PLA2G4A: variants seen among roughly 807,000 people sequenced by gnomAD.
PLA2G4A encodes phospholipase A2 group IVA.
In PLA2G4A, 40 loss-of-function variants were observed where a neutral mutation model predicts 81.9. The observed-to-expected ratio is 0.49, with a 90% CI of 0.38 to 0.64. PLA2G4A has a LOEUF of 0.64. Among genes scored for constraint, PLA2G4A ranks in the 30% least tolerant of loss-of-function variants. The pLI is 0.00. For synonymous variants in PLA2G4A, 302 were observed against 296.9 expected, an observed-to-expected ratio of 1.02 and a Z score of -0.18; for missense variants, 715 against 905.1, an observed-to-expected ratio of 0.79 and a Z score of 2.69.
At position 186,973,516 on chromosome 1, in the gene PLA2G4A, T is replaced by G. The variant is rs538904927; in HGVS notation, c.1765-4077T>G. On this transcript the variant is annotated intron_variant, in intron 15 of 17. Coordinates refer to ENST00000367466, the MANE Select transcript of PLA2G4A (RefSeq NM_024420.3). ...GCCGAGGGATTAGGAAATGGTATTT[T>G]ATATGGAGCCACCATTCAACCCACT... 5.3e-5 allele frequency among the ~76,000 whole-genome samples: 8 copies of G among 152,326 alleles called. No homozygotes were observed. The South Asian group carries it at 1.7e-3, about 32-fold the overall frequency.
At chr1:186,985,367 AT>A (rs1327514329) in intron 17 of PLA2G4A, among the ~76,000 whole-genome samples, 4 of 152,198 alleles carry the variant, frequency 2.6e-5, no homozygotes, top group African/African-American at 9.6e-5. Context: ...ATAAAAAAAA[AT>A]GCAAGCCTGA....
At chr1:186,953,618 T>C (rs1656643370) in intron 13 of PLA2G4A, among the ~76,000 whole-genome samples, 1 of 152,186 alleles carries the variant, frequency 6.6e-6, no homozygotes, top group Admixed American at 6.5e-5. Flanking sequence ...CCTGGAACCA[T>C]TTACCTTCTC....
In PLA2G4A at chr1:186,956,094, T is replaced by G; in HGVS notation, c.1337-8T>G. On this transcript the variant is annotated splice_region_variant and splice_polypyrimidine_tract_variant and intron_variant, in intron 13 of 17. Coordinates refer to ENST00000367466, the MANE Select transcript of PLA2G4A (RefSeq NM_024420.3). ...GAGTCTGTATGGTGACCTTTTATTT[T>G]TCCCTAGGCACTGAAAATGAAGATG... 1.2e-6 allele frequency: 2 copies of G among 1,612,756 alleles called. No homozygotes were observed. Among genetic ancestry groups the G allele is most frequent in the Admixed American group, 1.7e-5 (1 of 60,014 alleles).
chr1:186,979,949 T>C lies in PLA2G4A; in HGVS notation c.2118+477T>C, dbSNP rs1262464509. 2.2e-5 allele frequency among the ~76,000 whole-genome samples: 3 copies of C among 139,158 alleles called. No homozygotes were observed. The South Asian group carries it at 7.4e-4, about 34-fold the overall frequency. 91.3% of individuals were successfully genotyped at this position (139,158 alleles called of 152,430 possible). ...CAAAACGTAACAGCATTTCCTTTTTTTTTTTTTTTTTTTTTTGAGATGGAG... is the reference window on the plus strand; with the variant it reads ...CAAAACGTAACAGCATTTCCTTTTTCTTTTTTTTTTTTTTTTGAGATGGAG... On this transcript the variant is annotated intron_variant, in intron 17 of 17. Coordinates refer to ENST00000367466, the MANE Select transcript of PLA2G4A (RefSeq NM_024420.3).
At chr1:186,908,249 A>G (rs1401239833) in intron 6 of PLA2G4A, among the ~76,000 whole-genome samples, 1 of 152,056 alleles carries the variant, frequency 6.6e-6, no homozygotes, top group Non-Finnish European at 1.5e-5. Context: ...ATTACTCAGA[A>G]TTTTTTGAAT....
At chr1:186,940,517 G>T (rs1157848345) in intron 10 of PLA2G4A, among the ~76,000 whole-genome samples, 1 of 152,112 alleles carries the variant, frequency 6.6e-6, no homozygotes, top group Non-Finnish European at 1.5e-5. Context: ...CCCCCCTGTG[G>T]ATACCAAATT....
chr1:186,925,433 C>T (rs1423212085), intron 7 of PLA2G4A, among the ~76,000 whole-genome samples: 3 of 152,198 alleles, frequency 2.0e-5, no homozygotes, highest in African/African-American at 7.2e-5. Context: ...AGACTCTTCT[C>T]CACAGCTTCT....
At chr1:186,904,440 C>A (rs1404099638) in intron 5 of PLA2G4A, among the ~76,000 whole-genome samples, 2 of 152,198 alleles carry the variant, frequency 1.3e-5, no homozygotes, top group Non-Finnish European at 2.9e-5. Flanking sequence ...ACGTTTTTAT[C>A]TGAATGACAT....
intron 5 of PLA2G4A, among the ~76,000 whole-genome samples, chr1:186,897,573 A>G (rs1021251324): frequency 2.0e-5 from 3 of 152,090 alleles, no homozygotes; most frequent in African/African-American, 7.2e-5. Context: ...CAGTGGCACA[A>G]TCTTGCTTCA....
chr1:186,973,681 C>G (rs4650714), intron 15 of PLA2G4A, among the ~76,000 whole-genome samples: 149,810 of 152,334 alleles, frequency 0.98, 73,678 homozygotes, highest in East Asian at 1. Flanking sequence ...AAAAAGTGCT[C>G]TGTAAACTCT....
intron 5 of PLA2G4A, among the ~76,000 whole-genome samples, chr1:186,903,469 G>A (rs1359785510): frequency 1.3e-5 from 2 of 152,118 alleles, no homozygotes; most frequent in Non-Finnish European, 2.9e-5. Flanking sequence ...TGGCAAGTTA[G>A]GACCTAGGCT....
At chr1:186,830,746 C>G (rs1334363727) in intron 1 of PLA2G4A, among the ~76,000 whole-genome samples, 1 of 150,840 alleles carries the variant, frequency 6.6e-6, no homozygotes, top group Non-Finnish European at 1.5e-5. Flanking sequence ...GGTTATTTGG[C>G]TTATGTTTTT....
intron 3 of PLA2G4A, among the ~76,000 whole-genome samples, chr1:186,874,261 T>A (rs2102066404): frequency 6.6e-6 from 1 of 152,186 alleles, no homozygotes; most frequent in East Asian, 1.9e-4. Context: ...GTCATAGAAT[T>A]TTCTTTGTGC....
At chr1:186,921,067 T>C (rs1655333291) in intron 7 of PLA2G4A, among the ~76,000 whole-genome samples, 1 of 152,230 alleles carries the variant, frequency 6.6e-6, no homozygotes, top group South Asian at 2.1e-4. Flanking sequence ...TTGGGTGACC[T>C]CAGAGACCTT....
At chr1:186,919,557 T>TG (rs1655269378) in intron 7 of PLA2G4A, among the ~76,000 whole-genome samples, 1 of 152,148 alleles carries the variant, frequency 6.6e-6, no homozygotes, top group South Asian at 2.1e-4. Context: ...AGGAAATTTT[T>TG]GTAGGTCTCA....
intron 3 of PLA2G4A, 114 bp downstream of exon 3, chr1:186,870,630 T>C (rs537977422): frequency 1.7e-6 from 2 of 1,198,336 alleles, no homozygotes; most frequent in East Asian, 2.5e-5. Flanking sequence ...GTTATGTTTG[T>C]CTAGATCTTT....
At chr1:186,830,100 C>T (rs985510747) in intron 1 of PLA2G4A, among the ~76,000 whole-genome samples, 1 of 152,176 alleles carries the variant, frequency 6.6e-6, no homozygotes, top group Non-Finnish European at 1.5e-5. Flanking sequence ...CAGGTTCCTA[C>T]ACCTTGCCAA....
intron 3 of PLA2G4A, among the ~76,000 whole-genome samples, chr1:186,882,242 C>T (rs989381545): frequency 1.3e-5 from 2 of 151,952 alleles, no homozygotes; most frequent in African/African-American, 4.8e-5. Context: ...CAGTTTCACC[C>T]AATAGGAAAA....
intron 16 of PLA2G4A, among the ~76,000 whole-genome samples, chr1:186,979,000 G>C (rs1657627980): frequency 6.6e-6 from 1 of 152,190 alleles, no homozygotes; most frequent in Non-Finnish European, 1.5e-5. Context: ...TAACTCCCTA[G>C]AGTCTTTGGT....
Sources: gnomAD v4.1 joint callset for allele counts (sites outside exome capture counted in the v4.1 genomes callset) on GRCh38, gnomAD v4.1.1 for gene constraint, MANE v1.5 for transcripts, NCBI Gene and HGNC (gene_info 2026-07-23, HGNC 2026-07-21) for gene names.